Variants in SIM1 observed in about 807,000 individuals in gnomAD.
The protein encoded by SIM1 is single-minded homolog 1.
In SIM1, 18 loss-of-function variants were observed where a neutral mutation model predicts 78.2. The observed-to-expected ratio is 0.23, with a 90% CI of 0.16 to 0.34. The LOEUF is 0.34. Among genes scored for constraint, SIM1 ranks in the 10% least tolerant of loss-of-function variants. SIM1 has a pLI of 1.00. For synonymous variants in SIM1, 417 were observed against 385.2 expected (o/e 1.08, Z -0.97); for missense variants, 939 against 975.1 (o/e 0.96, Z 0.49).
chr6:100,454,258 C>A (rs771835185), intron 2 of SIM1, among the ~76,000 whole-genome samples: 4 of 152,184 alleles, frequency 2.6e-5, no homozygotes, highest in African/African-American at 4.8e-5. Context: ...TAACACCAAG[C>A]GAAAGCCACT....
intron 7 of SIM1, 76 bp from the exon 8 acceptor site, chr6:100,448,328 G>A (rs551826939): frequency 1.6e-4 from 215 of 1,370,290 alleles, no homozygotes; most frequent in Non-Finnish European, 1.9e-4. Context: ...CTCGACAGCC[G>A]TCTGACACCT....
chr6:100,419,169 AAAG>A (rs796464453), intron 10 of SIM1, among the ~76,000 whole-genome samples: 21 of 152,288 alleles, frequency 1.4e-4, no homozygotes, highest in African/African-American at 4.6e-4. Context: ...CCATCTCAAA[AAAG>A]AAGAAGAAGA....
chr6:100,461,687 G>A (rs970417527), intron 2 of SIM1, among the ~76,000 whole-genome samples: 1 of 152,184 alleles, frequency 6.6e-6, no homozygotes, highest in African/African-American at 2.4e-5. Context: ...GGCGCTGACA[G>A]TATAAAAGAC....
At chr6:100,460,326 C>T (rs1321377112) in intron 2 of SIM1, among the ~76,000 whole-genome samples, 1 of 151,982 alleles carries the variant, frequency 6.6e-6, no homozygotes. Context: ...TTTCTTCTTT[C>T]AAATATAATT....
At chr6:100,438,397 A>G (rs1474531518) in intron 9 of SIM1, among the ~76,000 whole-genome samples, 1 of 152,232 alleles carries the variant, frequency 6.6e-6, no homozygotes, top group Non-Finnish European at 1.5e-5. Flanking sequence ...AATGCAAACT[A>G]AAACCCCAGT....
chr6:100,426,381 G>C (rs1195109701), intron 9 of SIM1, among the ~76,000 whole-genome samples: 1 of 152,094 alleles, frequency 6.6e-6, no homozygotes, highest in African/African-American at 2.4e-5. Context: ...AATTCCAATA[G>C]AGAAAATGGG....
At position 100,387,778 on chromosome 6, in the gene SIM1, T is replaced by TTCA; in HGVS notation, c.*2582_*2583insTGA. On this transcript the variant is annotated 3_prime_UTR_variant, in exon 12 of 12. Transcript: ENST00000369208. ...TACTCTCATCTGTGAAATTCATAATTTCTTCTTCTCACCAGTTAACTATCT... is the reference window on the plus strand; with the variant it reads ...TACTCTCATCTGTGAAATTCATAATTTCATCTTCTTCTCACCAGTTAACTATCT... The TTCA allele has an allele frequency of 6.6e-6, 1 of 152,094 alleles. No individual in the cohort carries two copies. Among genetic ancestry groups the TTCA allele is most frequent in the Non-Finnish European group, 1.5e-5 (1 of 67,958 alleles). 9.4% of individuals were successfully genotyped at this position (152,094 alleles called of 1,614,324 possible).
At chr6:100,430,074 TG>T (rs1771862294) in intron 9 of SIM1, among the ~76,000 whole-genome samples, 1 of 152,020 alleles carries the variant, frequency 6.6e-6, no homozygotes, top group East Asian at 1.9e-4. Flanking sequence ...TTACCATAAT[TG>T]AAAAAAAAAG....
chr6:100,397,697 C>T (rs1770801694), intron 10 of SIM1, among the ~76,000 whole-genome samples: 1 of 151,970 alleles, frequency 6.6e-6, no homozygotes, highest in African/African-American at 2.4e-5. Context: ...AAATTAAAAA[C>T]TTTTGCTCCA....
In SIM1 at chr6:100,390,705, T is replaced by C. The variant is rs756133135; in HGVS notation, c.1957A>G (p.Thr653Ala). The change falls in exon 12 of 12, where the codon ACC becomes GCC. Residue 653 changes from threonine to alanine, a missense_variant. By Grantham distance (58) the Thr-to-Ala change is moderately conservative (BLOSUM62 0). Transcript: ENST00000369208. ...PHENDYDNSP[T>A]ALSRISSPNS... ...GGACTACTTATCCGAGATAGTGCGGTGGGACTGTTGTCATAGTCATTTTCA... is the reference window on the plus strand; with the variant it reads ...GGACTACTTATCCGAGATAGTGCGGCGGGACTGTTGTCATAGTCATTTTCA... 6.2e-7 allele frequency: 1 copy of C among 1,614,132 alleles called. No individual in the cohort carries two copies. The highest frequency in any genetic ancestry group is 1.1e-5 in the South Asian group (1 of 91,088).
chr6:100,454,257 G>A (rs766168182), intron 2 of SIM1, among the ~76,000 whole-genome samples: 1 of 152,160 alleles, frequency 6.6e-6, no homozygotes, highest in South Asian at 2.1e-4. Context: ...CTAACACCAA[G>A]CGAAAGCCAC....
In SIM1 at chr6:100,389,485, C is replaced by A. The variant is rs1770581857; in HGVS notation, c.*876G>T. The A allele has an allele frequency of 2.5e-6, 1 of 397,028 alleles. No homozygotes were observed. The highest frequency in any genetic ancestry group is 4.4e-6 in the Non-Finnish European group (1 of 225,424). 24.6% of individuals were successfully genotyped at this position (397,028 alleles called of 1,614,324 possible). A position where few individuals can be genotyped will look rare whatever the true frequency, so the allele number is the denominator to read the frequency against. Reference sequence around the variant, plus strand: ...TTTAGTTGGTTTTACAAGCAAACCCCAAATATGTTGTTTACTTATGCTGAG... The same window carrying A: ...TTTAGTTGGTTTTACAAGCAAACCCAAAATATGTTGTTTACTTATGCTGAG... On this transcript the variant is annotated 3_prime_UTR_variant, in exon 12 of 12. Transcript: ENST00000369208.
intron 2 of SIM1, among the ~76,000 whole-genome samples, chr6:100,460,950 G>A (rs967550223): frequency 1.3e-5 from 2 of 152,172 alleles, no homozygotes; most frequent in Non-Finnish European, 2.9e-5. Context: ...TGGAGGCTGA[G>A]GGTGAGTTAT....
Position 100,449,463 on chromosome 6 carries a change from C to A in SIM1, c.458-15G>T, listed in dbSNP as rs148051085. On this transcript the variant is annotated splice_polypyrimidine_tract_variant and intron_variant, in intron 5 of 11. Transcript: ENST00000369208. The stretch of plus-strand genomic sequence containing the variant: ...GATCTCATACTCTGGGAGAGAGGAA[C>A]GAAGGGAAGCTCAGGTCGTGTGACA... The A allele has an allele frequency of 1.2e-5, 20 of 1,610,536 alleles. No individual in the cohort carries two copies. Among genetic ancestry groups the A allele is most frequent in the African/African-American group, 2.7e-5 (2 of 74,852 alleles).
At chr6:100,421,715 T>C in intron 9 of SIM1, among the ~76,000 whole-genome samples, 1 of 152,166 alleles carries the variant, frequency 6.6e-6, no homozygotes, top group Non-Finnish European at 1.5e-5. Context: ...TTGAGATATC[T>C]AGAGCCTGAA....
At position 100,450,341 on chromosome 6, in the gene SIM1, TG is replaced by T; in HGVS notation, c.273del (p.Phe91LeufsTer5). On this transcript the variant is annotated frameshift_variant, in exon 4 of 12. Transcript: ENST00000369208. LOFTEE classifies it high-confidence loss of function. Reference protein sequence around the residue: ...GSHLLQTLDGFIFVVAPDGKI... With the variant: ...GSHLLQTLDGXIFVVAPDGKI... ...TTCCCATCTGGGGCTACCACGAAGATGAAGCCATCCAGGGTCTGGGGAGGCA... is the reference window on the plus strand; with the variant it reads ...TTCCCATCTGGGGCTACCACGAAGATAAGCCATCCAGGGTCTGGGGAGGCA... 6.2e-7 allele frequency: 1 copy of T among 1,614,034 alleles called. No homozygotes were observed. Among genetic ancestry groups the T allele is most frequent in the Non-Finnish European group, 8.5e-7 (1 of 1,180,000 alleles).
intron 1 of SIM1, 32 bp downstream of exon 1, chr6:100,464,582 G>C (rs1772943102): frequency 6.6e-6 from 1 of 152,208 alleles, no homozygotes; most frequent in Admixed American, 6.5e-5. Context: ...GGGGCTGCTG[G>C]GCGGGCGCGG....
rs1448603585 is a variant in SIM1, at chr6:100,385,900, C to T, written c.*4461G>A. The T allele has an allele frequency of 6.6e-6, 1 of 151,874 alleles. No individual in the cohort carries two copies. The highest frequency in any genetic ancestry group is 1.5e-5 in the Non-Finnish European group (1 of 67,890). The allele number at this position is 151,874 out of a possible 1,614,324, so 9.4% of individuals were successfully genotyped here. On this transcript the variant is annotated 3_prime_UTR_variant, in exon 12 of 12. Transcript: ENST00000369208. ...CTGTACAACCCTTACAAGAAATTAG[C>T]ACCACACAGAAATTTCCCCCAACAA...
At position 100,458,006 on chromosome 6, in the gene SIM1, T is replaced by TTCTCTCTCTC. The variant is rs71028024; in HGVS notation, c.176-4172_176-4163dup. Among the ~76,000 whole-genome samples, 9 of 90,304 alleles carry TTCTCTCTCTC rather than the reference T, an allele frequency of 1.0e-4. 1 individual carries two copies. The highest frequency in any genetic ancestry group is 4.9e-4 in the South Asian group (1 of 2,044). The allele number at this position is 90,304 out of a possible 152,430, so 59.2% of individuals were successfully genotyped here. ...GTCACACCGCTGTCTGTCTCTCTCTTTCTCTCTCTCTCTCTCTCTCTCTCT... is the reference window on the plus strand; with the variant it reads ...GTCACACCGCTGTCTGTCTCTCTCTTTCTCTCTCTCTCTCTCTCTCTCTCTCTCTCTCTCT... On this transcript the variant is annotated intron_variant, in intron 2 of 11. Coordinates refer to ENST00000369208, the MANE Select transcript of SIM1 (RefSeq NM_005068.3).
Sources: gnomAD v4.1 joint callset for allele counts (sites outside exome capture counted in the v4.1 genomes callset) on GRCh38, gnomAD v4.1.1 for gene constraint, MANE v1.5 for transcripts, NCBI Gene and HGNC (gene_info 2026-07-23, HGNC 2026-07-21) for gene names.